CCDC91: variants seen among roughly 807,000 people sequenced by gnomAD.
CCDC91 encodes coiled-coil domain-containing protein 91.
A neutral mutation model predicts 63.2 loss-of-function variants in CCDC91; 48 were observed. The ratio of observed to expected loss-of-function variants is 0.76; its 90% CI spans 0.60 to 0.97. The LOEUF (loss-of-function observed/expected upper bound fraction) is 0.97. Ranked by LOEUF, CCDC91 falls within the 50% of genes least tolerant of loss-of-function variation. The probability of loss-of-function intolerance (pLI) is 0.00; values close to 1 mark genes in which losing one functional copy is unlikely to be tolerated. For missense variants in CCDC91, 500 were observed against 494.6 expected, an observed-to-expected ratio of 1.01 and a Z score of -0.10; for synonymous variants, 167 against 165.8, an observed-to-expected ratio of 1.01 and a Z score of -0.06.
rs370037477 is a variant in CCDC91 at position 28,355,109 on chromosome 12, AT to A, written c.577-7320del. On this transcript the variant is annotated intron_variant, in intron 6 of 12. Transcript: ENST00000536442. ...GTTTTCTTCCTTCTTTCTGCCTTCT[AT>A]TTTTTTTTCCTCCTGTGCTTGGCCT... is the stretch of plus-strand genomic sequence containing the variant. Among the ~76,000 whole-genome samples, 178 of 143,434 alleles carry A rather than the reference AT, an allele frequency of 1.2e-3. No individual in the cohort carries two copies. In the South Asian group the frequency reaches 0.014, roughly 11 times the overall value. 94.1% of individuals were successfully genotyped at this position (143,434 alleles called of 152,430 possible). A position where few individuals can be genotyped will look rare whatever the true frequency, so the allele number is the denominator to read the frequency against.
At chr12:28,324,563 C>T (rs1940808731) in intron 6 of CCDC91, among the ~76,000 whole-genome samples, 2 of 151,900 alleles carry the variant, frequency 1.3e-5, no homozygotes, top group East Asian at 3.9e-4. Flanking sequence ...AATAATTCTT[C>T]AAATCCGATC....
intron 3 of CCDC91, among the ~76,000 whole-genome samples, chr12:28,295,587 A>G (rs1949517971): frequency 6.6e-6 from 1 of 152,084 alleles, no homozygotes; most frequent in Non-Finnish European, 1.5e-5. Flanking sequence ...TTTCTAATGT[A>G]AAGGATTGCT....
At chr12:28,280,282 A>G (rs1261234424) in intron 3 of CCDC91, among the ~76,000 whole-genome samples, 3 of 152,154 alleles carry the variant, frequency 2.0e-5, no homozygotes, top group Non-Finnish European at 4.4e-5. Flanking sequence ...GTGAAGAGAA[A>G]AAATTATTTT....
At chr12:28,298,377 TCC>T (rs1555177592) in intron 3 of CCDC91, among the ~76,000 whole-genome samples, 1 of 144,956 alleles carries the variant, frequency 6.9e-6, no homozygotes, top group South Asian at 2.2e-4. Flanking sequence ...TTTTTTTTTT[TCC>T]CCCCACAAAA....
intron 7 of CCDC91, among the ~76,000 whole-genome samples, chr12:28,372,286 T>C (rs1944668577): frequency 6.6e-6 from 1 of 152,176 alleles, no homozygotes; most frequent in Non-Finnish European, 1.5e-5. Flanking sequence ...TCCAGATTTG[T>C]TCTTTTTGCT....
At chr12:28,350,340 G>A (rs914090426) in intron 6 of CCDC91, among the ~76,000 whole-genome samples, 4 of 152,028 alleles carry the variant, frequency 2.6e-5, no homozygotes, top group African/African-American at 9.7e-5. Context: ...GTTTAGGAGA[G>A]GTAATTTAGA....
At chr12:28,353,765 C>T (rs1442348466) in intron 6 of CCDC91, among the ~76,000 whole-genome samples, 1 of 151,906 alleles carries the variant, frequency 6.6e-6, no homozygotes, top group Non-Finnish European at 1.5e-5. Flanking sequence ...AATAGATGAA[C>T]TAATAATGAA....
chr12:28,520,359 T>A (rs542625311), intron 12 of CCDC91, among the ~76,000 whole-genome samples: 26 of 152,246 alleles, frequency 1.7e-4, no homozygotes, highest in Non-Finnish European at 3.2e-4. Context: ...GTTGGCTGCA[T>A]AAATGTCTTC....
intron 3 of CCDC91, among the ~76,000 whole-genome samples, chr12:28,280,611 A>G (rs1948541962): frequency 6.6e-6 from 1 of 152,112 alleles, no homozygotes; most frequent in South Asian, 2.1e-4. Context: ...AATGATTTGT[A>G]TACCTTTGTA....
At chr12:28,326,490 G>A (rs975893869) in intron 6 of CCDC91, among the ~76,000 whole-genome samples, 16 of 150,284 alleles carry the variant, frequency 1.1e-4, no homozygotes, top group East Asian at 9.9e-4. Context: ...ATGCTGGTGC[G>A]CTGCACCCAC....
At chr12:28,418,813 A>G (rs1403665548) in intron 8 of CCDC91, among the ~76,000 whole-genome samples, 2 of 152,258 alleles carry the variant, frequency 1.3e-5, no homozygotes, top group African/African-American at 2.4e-5. Flanking sequence ...GATAAGCGTG[A>G]CATTCAAAAT....
At chr12:28,211,920 C>G (rs1565618232) in intron 1 of CCDC91, among the ~76,000 whole-genome samples, 1 of 152,180 alleles carries the variant, frequency 6.6e-6, no homozygotes, top group Non-Finnish European at 1.5e-5. Flanking sequence ...TAAGAGGCCT[C>G]TAACTGGTCC....
intron 1 of CCDC91, among the ~76,000 whole-genome samples, chr12:28,247,317 A>G (rs1945807557): frequency 1.3e-5 from 2 of 152,038 alleles, no homozygotes; most frequent in African/African-American, 2.4e-5. Context: ...CGCCTCTACT[A>G]AAAATACAAA....
At chr12:28,341,436 TC>T (rs1316008780) in intron 6 of CCDC91, among the ~76,000 whole-genome samples, 1 of 152,190 alleles carries the variant, frequency 6.6e-6, no homozygotes. Context: ...GGCTCCCTGT[TC>T]CACATTTAAG....
intron 8 of CCDC91, among the ~76,000 whole-genome samples, chr12:28,401,937 T>A (rs1275168530): frequency 6.6e-6 from 1 of 152,190 alleles, no homozygotes; most frequent in Admixed American, 6.5e-5. Context: ...CAGTCAACGT[T>A]CTTCTCTCTG....
Position 28,536,284 on chromosome 12 carries a change from G to A in CCDC91, c.1216-12779G>A, listed in dbSNP as rs754398384. On this transcript the variant is annotated intron_variant, in intron 12 of 12. Transcript: ENST00000536442. ...TTCCACAGTTATGACATTAACTTAC[G>A]AAATTTCTATCTAAAATGCTACCAA... 4.0e-4 allele frequency among the ~76,000 whole-genome samples: 61 copies of A among 152,266 alleles called. 1 individual carries two copies. The highest frequency in any genetic ancestry group is 1.9e-4 in the East Asian group (1 of 5,174).
chr12:28,456,720 A>G (rs1387906366), intron 11 of CCDC91, among the ~76,000 whole-genome samples: 1 of 152,058 alleles, frequency 6.6e-6, no homozygotes, highest in African/African-American at 2.4e-5. Context: ...CTGAGGTGAG[A>G]AAAGGTTAAG....
intron 12 of CCDC91, among the ~76,000 whole-genome samples, chr12:28,518,745 G>A (rs1186905852): frequency 6.6e-6 from 1 of 151,916 alleles, no homozygotes; most frequent in Non-Finnish European, 1.5e-5. Context: ...TGTCTAGAAG[G>A]CTTTTTCCAA....
chr12:28,505,818 A>G (rs530640200), intron 12 of CCDC91, among the ~76,000 whole-genome samples: 15 of 152,012 alleles, frequency 9.9e-5, no homozygotes, highest in African/African-American at 3.4e-4. Context: ...TCAGACATTC[A>G]GTTTCTTTTC....
Sources: allele counts gnomAD v4.1 joint callset (sites outside exome capture counted in the v4.1 genomes callset), GRCh38; gene constraint gnomAD v4.1.1; transcripts MANE v1.5; gene names NCBI Gene and HGNC (gene_info 2026-07-23, HGNC 2026-07-21).